ADAMTS6: variants seen among roughly 807,000 people sequenced by gnomAD.
The protein encoded by ADAMTS6 is ADAM metallopeptidase with thrombospondin type 1 motif 6, also known as A disintegrin and metalloproteinase with thrombospondin motifs 6.
A neutral mutation model predicts 144.3 loss-of-function variants in ADAMTS6; 23 were observed. The observed-to-expected ratio is 0.16, with a 90% CI of 0.11 to 0.23. The LOEUF is 0.23. Ranked by LOEUF, ADAMTS6 falls within the 10% of genes least tolerant of loss-of-function variation. The probability of loss-of-function intolerance (pLI) is 1.00; values close to 1 mark genes in which losing one functional copy is unlikely to be tolerated. For synonymous variants in ADAMTS6, 444 were observed against 457.5 expected, an observed-to-expected ratio of 0.97 and a Z score of 0.38; for missense variants, 999 against 1,379.6, an observed-to-expected ratio of 0.72 and a Z score of 4.37.
chr5:65,284,407 T>C (rs1763211471), intron 11 of ADAMTS6, among the ~76,000 whole-genome samples: 1 of 152,090 alleles, frequency 6.6e-6, no homozygotes, highest in African/African-American at 2.4e-5. Context: ...ATATTTTTAT[T>C]CAAGGCTTAC....
intron 4 of ADAMTS6, among the ~76,000 whole-genome samples, chr5:65,457,472 T>C (rs1580752669): frequency 6.6e-6 from 1 of 152,144 alleles, no homozygotes; most frequent in East Asian, 1.9e-4. Context: ...TAAGAATGGA[T>C]TGGAGAAGTG....
intron 24 of ADAMTS6, among the ~76,000 whole-genome samples, chr5:65,167,332 G>A (rs1406860360): frequency 6.6e-6 from 1 of 152,148 alleles, no homozygotes; most frequent in Non-Finnish European, 1.5e-5. Flanking sequence ...GACTAAACCA[G>A]GAAGAAGTTG....
At chr5:65,193,232 T>A (rs1257401341) in intron 21 of ADAMTS6, among the ~76,000 whole-genome samples, 1 of 151,918 alleles carries the variant, frequency 6.6e-6, no homozygotes, top group Non-Finnish European at 1.5e-5. Flanking sequence ...TTTCTAAATT[T>A]TATCAGTAAA....
intron 7 of ADAMTS6, among the ~76,000 whole-genome samples, chr5:65,381,977 T>C (rs1294248554): frequency 6.6e-6 from 1 of 152,164 alleles, no homozygotes; most frequent in Non-Finnish European, 1.5e-5. Context: ...TGGTAATATA[T>C]CATAATGCTA....
chr5:65,204,585 A>AG (rs1392566942), intron 20 of ADAMTS6, among the ~76,000 whole-genome samples: 2 of 152,194 alleles, frequency 1.3e-5, no homozygotes, highest in Non-Finnish European at 2.9e-5. Flanking sequence ...GAGAGTGAAT[A>AG]GGGGGATGTC....
At chr5:65,305,870 C>T (rs765150713) in intron 9 of ADAMTS6, among the ~76,000 whole-genome samples, 1 of 152,118 alleles carries the variant, frequency 6.6e-6, no homozygotes, top group Non-Finnish European at 1.5e-5. Context: ...AGACAGTCGT[C>T]CTTGGGCCTT....
chr5:65,281,531 A>C (rs1319861163), intron 11 of ADAMTS6, among the ~76,000 whole-genome samples: 2 of 152,130 alleles, frequency 1.3e-5, no homozygotes, highest in Non-Finnish European at 2.9e-5. Context: ...GTGGATTTTA[A>C]AAAGATACTG....
chr5:65,258,968 C>T (rs1760924732), intron 14 of ADAMTS6, among the ~76,000 whole-genome samples: 1 of 151,982 alleles, frequency 6.6e-6, no homozygotes, highest in Admixed American at 6.6e-5. Context: ...GCAATGGAAC[C>T]AGATAAGATC....
Position 65,233,529 on chromosome 5 carries a change from A to G in ADAMTS6, c.1934-7310T>C, listed in dbSNP as rs556171000. 2.0e-5 allele frequency among the ~76,000 whole-genome samples: 3 copies of G among 152,270 alleles called. No homozygotes were observed. The South Asian group carries it at 6.2e-4, about 32-fold the overall frequency. ...AACATACAAAAATCAGTCCATTTCT[A>G]TACACTAACAATTAATTACATAAGA... On this transcript the variant is annotated intron_variant, in intron 15 of 24. Transcript: ENST00000381055.
chr5:65,430,544 T>C (rs1756916226), intron 7 of ADAMTS6, among the ~76,000 whole-genome samples: 1 of 152,132 alleles, frequency 6.6e-6, no homozygotes, highest in Admixed American at 6.6e-5. Context: ...CCTATAAACT[T>C]TTTTGCTCTC....
intron 18 of ADAMTS6, among the ~76,000 whole-genome samples, chr5:65,217,803 A>G (rs1757037050): frequency 2.0e-5 from 3 of 152,196 alleles, no homozygotes; most frequent in Admixed American, 2.0e-4. Context: ...AAACTATCTC[A>G]AAGGATTAAA....
intron 15 of ADAMTS6, among the ~76,000 whole-genome samples, chr5:65,227,620 T>C (rs574989324): frequency 1.3e-5 from 2 of 152,294 alleles, no homozygotes; most frequent in East Asian, 1.9e-4. Flanking sequence ...TTTCTGCAGG[T>C]TGACGGTAAG....
rs189292069 is a variant in ADAMTS6 at position 65,341,614 on chromosome 5, C to A, written c.1074-7529G>T. ...AAAACCTAGAAGAAATGGATAAATT[C>A]CTGGACACATGCAACTTACTAAGGT... On this transcript the variant is annotated intron_variant, in intron 7 of 24. Coordinates refer to ENST00000381055, the MANE Select transcript of ADAMTS6 (RefSeq NM_197941.4). Among the ~76,000 whole-genome samples the A allele has an allele frequency of 4.6e-5, 7 of 152,042 alleles. No individual in the cohort carries two copies. The East Asian group carries it at 1.3e-3, about 29-fold the overall frequency.
intron 7 of ADAMTS6, among the ~76,000 whole-genome samples, chr5:65,398,808 G>GA (rs1410617259): frequency 1.5e-4 from 13 of 88,366 alleles, no homozygotes; most frequent in South Asian, 3.9e-4. Flanking sequence ...AAGAAAGAAA[G>GA]AAAGAAAGAA....
At chr5:65,376,426 G>C (rs925741269) in intron 7 of ADAMTS6, among the ~76,000 whole-genome samples, 1 of 151,746 alleles carries the variant, frequency 6.6e-6, no homozygotes. Flanking sequence ...AGTCCAGCCT[G>C]GGAGACAAAG....
intron 11 of ADAMTS6, among the ~76,000 whole-genome samples, chr5:65,273,843 T>G (rs1762244461): frequency 6.6e-6 from 1 of 152,116 alleles, no homozygotes; most frequent in Non-Finnish European, 1.5e-5. Flanking sequence ...GCCAGGAAAA[T>G]GACTTCTTAG....
At chr5:65,421,093 C>T (rs556582141) in intron 7 of ADAMTS6, among the ~76,000 whole-genome samples, 12 of 152,094 alleles carry the variant, frequency 7.9e-5, no homozygotes, top group Non-Finnish European at 1.8e-4. Flanking sequence ...ATATGAGGTA[C>T]TGTATTAGTC....
Position 65,242,209 on chromosome 5 carries a change from A to G in ADAMTS6, c.1831-3T>C. 6.3e-7 allele frequency: 1 copy of G among 1,585,072 alleles called. No individual in the cohort carries two copies. Among genetic ancestry groups the G allele is most frequent in the Non-Finnish European group, 8.6e-7 (1 of 1,162,082 alleles). The stretch of plus-strand genomic sequence containing the variant: ...TCTCGGGAACCCAAAGGGCATGGCT[A>G]AAATAAAATAAAATCATAAATGGTA... On this transcript the variant is annotated splice_polypyrimidine_tract_variant and splice_region_variant and intron_variant, in intron 14 of 24. Coordinates refer to ENST00000381055, the MANE Select transcript of ADAMTS6 (RefSeq NM_197941.4).
chr5:65,457,898 T>A (rs1413345616), intron 4 of ADAMTS6, among the ~76,000 whole-genome samples: 2 of 152,000 alleles, frequency 1.3e-5, no homozygotes, highest in South Asian at 2.1e-4. Flanking sequence ...GGCTAATTTT[T>A]GTATTTTTAG....
Sources: allele counts gnomAD v4.1 joint callset (sites outside exome capture counted in the v4.1 genomes callset), GRCh38; gene constraint gnomAD v4.1.1; transcripts MANE v1.5; gene names NCBI Gene and HGNC (gene_info 2026-07-23, HGNC 2026-07-21).